The following FHIT variants were observed in gnomAD, a reference collection of about 807,000 sequenced individuals.
FHIT encodes bis(5'-adenosyl)-triphosphatase.
Under a neutral mutation model 17.9 loss-of-function variants are expected in FHIT, and 19 were observed. The observed-to-expected ratio is 1.06, with a 90% CI of 0.74 to 1.56. FHIT has a LOEUF of 1.56. Among genes scored for constraint, FHIT ranks in the 40% most tolerant of loss-of-function variants. FHIT has a pLI of 0.00. For missense variants in FHIT, 248 were observed against 189.2 expected, an observed-to-expected ratio of 1.31 and a Z score of -1.82; for synonymous variants, 81 against 69.7, an observed-to-expected ratio of 1.16 and a Z score of -0.81.
At chr3:60,846,035 A>G (rs150970248) in intron 3 of FHIT, among the ~76,000 whole-genome samples, 17 of 152,310 alleles carry the variant, frequency 1.1e-4, no homozygotes, top group African/African-American at 4.1e-4. Flanking sequence ...ATAAGCACTT[A>G]CGGCTTTATT....
chr3:60,674,281 G>A (rs2040573403), intron 4 of FHIT, among the ~76,000 whole-genome samples: 1 of 152,008 alleles, frequency 6.6e-6, no homozygotes, highest in African/African-American at 2.4e-5. Context: ...GTTTCTCTGA[G>A]ATTTCCCGCC....
intron 4 of FHIT, chr3:60,616,685 GA>G (rs2038961599): frequency 6.6e-6 from 1 of 152,252 alleles, no homozygotes; most frequent in African/African-American, 2.4e-5. Context: ...AAAGATCTAA[GA>G]AAAAGGAAAG....
At chr3:60,041,060 TA>T (rs897464932) in intron 5 of FHIT, among the ~76,000 whole-genome samples, 5 of 151,956 alleles carry the variant, frequency 3.3e-5, no homozygotes, top group South Asian at 2.1e-4. Context: ...CTTTTCTCAA[TA>T]AAAAAAAGCT....
At chr3:61,134,120 C>A (rs956854520) in intron 2 of FHIT, among the ~76,000 whole-genome samples, 3 of 151,712 alleles carry the variant, frequency 2.0e-5, no homozygotes, top group African/African-American at 7.3e-5. Flanking sequence ...CACACACACA[C>A]ACACACACAC....
At chr3:60,966,415 G>T (rs927520057) in intron 3 of FHIT, among the ~76,000 whole-genome samples, 2 of 152,204 alleles carry the variant, frequency 1.3e-5, no homozygotes, top group African/African-American at 4.8e-5. Context: ...GCCCTGCTTT[G>T]GCTCATGCTC....
rs533664849 is a variant in FHIT at position 60,502,687 on chromosome 3, A to G, written c.103+34173T>C. ...AGCACTCAATAGAACAGACAGCTAG[A>G]TCCTAAACCCAATGGCAGTGACAAA... On this transcript the variant is annotated intron_variant, in intron 5 of 9. Coordinates refer to ENST00000492590, the MANE Select transcript of FHIT (RefSeq NM_002012.4). Among the ~76,000 whole-genome samples the G allele has an allele frequency of 4.6e-5, 7 of 152,308 alleles. No individual in the cohort carries two copies. The South Asian group carries it at 1.4e-3, about 32-fold the overall frequency.
At chr3:59,766,854 T>C (rs1417805239) in intron 8 of FHIT, among the ~76,000 whole-genome samples, 1 of 152,174 alleles carries the variant, frequency 6.6e-6, no homozygotes, top group Non-Finnish European at 1.5e-5. Context: ...TTTGCTCCTT[T>C]CTCTCTTTTT....
At chr3:60,088,022 C>T (rs993812636) in intron 5 of FHIT, among the ~76,000 whole-genome samples, 2 of 152,136 alleles carry the variant, frequency 1.3e-5, no homozygotes, top group Admixed American at 1.3e-4. Flanking sequence ...TGAATATCTG[C>T]ATCTGCTGAG....
intron 1 of FHIT, among the ~76,000 whole-genome samples, chr3:61,213,073 A>G (rs575974022): frequency 5.0e-4 from 76 of 152,308 alleles, no homozygotes; most frequent in African/African-American, 1.4e-3. Flanking sequence ...AAAGACCATC[A>G]AGGCTAGGAA....
At chr3:61,187,895 C>T (rs2038572799) in intron 2 of FHIT, among the ~76,000 whole-genome samples, 1 of 152,148 alleles carries the variant, frequency 6.6e-6, no homozygotes, top group Non-Finnish European at 1.5e-5. Context: ...AGAACAAAGA[C>T]ACAACATACC....
intron 5 of FHIT, among the ~76,000 whole-genome samples, chr3:60,218,372 G>A (rs1223578234): frequency 6.6e-6 from 1 of 152,152 alleles, no homozygotes; most frequent in Non-Finnish European, 1.5e-5. Flanking sequence ...ATACTGCTAA[G>A]AGAATTATAA....
chr3:60,345,004 C>T (rs1710705785), intron 5 of FHIT, among the ~76,000 whole-genome samples: 1 of 152,088 alleles, frequency 6.6e-6, no homozygotes, highest in Non-Finnish European at 1.5e-5. Context: ...GCAAATTTCC[C>T]TTTGTATAAA....
At chr3:59,842,355 G>A in intron 8 of FHIT, among the ~76,000 whole-genome samples, 1 of 152,156 alleles carries the variant, frequency 6.6e-6, no homozygotes, top group East Asian at 1.9e-4. Context: ...ATGAATAATG[G>A]TGCTATGAAT....
intron 7 of FHIT, among the ~76,000 whole-genome samples, chr3:59,961,660 G>A (rs9862311): frequency 0.026 from 3,997 of 152,238 alleles, 201 homozygotes; most frequent in African/African-American, 0.091. Context: ...CCCTTGGCTA[G>A]GGGAGGGAGT....
chr3:60,143,962 G>C (rs1700135674), intron 5 of FHIT, among the ~76,000 whole-genome samples: 1 of 152,146 alleles, frequency 6.6e-6, no homozygotes, highest in Non-Finnish European at 1.5e-5. Flanking sequence ...ACCTTAAAGA[G>C]AGACCAACGG....
In FHIT at chr3:60,308,490, G is replaced by GTATA. The variant is rs1380485852; in HGVS notation, c.103+228369_103+228370insTATA. ...TGCACGTATAGGTATAGGTATAGGTGTATGTGTATATATATATATATATAT... is the reference window on the plus strand; with the variant it reads ...TGCACGTATAGGTATAGGTATAGGTGTATATATGTGTATATATATATATATATAT... On this transcript the variant is annotated intron_variant, in intron 5 of 9. Coordinates refer to ENST00000492590, the MANE Select transcript of FHIT (RefSeq NM_002012.4). Among the ~76,000 whole-genome samples the GTATA allele has an allele frequency of 8.9e-4, 67 of 74,912 alleles. 2 individuals are homozygous for GTATA. The highest frequency in any genetic ancestry group is 3.6e-3 in the African/African-American group (62 of 17,186). The allele number at this position is 74,912 out of a possible 152,430, so 49.1% of individuals were successfully genotyped here. A position where few individuals can be genotyped will look rare whatever the true frequency, so the allele number is the denominator to read the frequency against.
chr3:59,839,480 T>C (rs200599884), intron 8 of FHIT, among the ~76,000 whole-genome samples: 1 of 152,194 alleles, frequency 6.6e-6, no homozygotes, highest in Non-Finnish European at 1.5e-5. Flanking sequence ...TCTTTAAGTA[T>C]GTATTTTCCC....
chr3:60,807,278 A>C (rs1257415809), intron 4 of FHIT, among the ~76,000 whole-genome samples: 4 of 151,918 alleles, frequency 2.6e-5, no homozygotes, highest in African/African-American at 9.7e-5. Context: ...CCTTTCCATC[A>C]CTCACTTATT....
At position 60,521,005 on chromosome 3, in the gene FHIT, T is replaced by G. The variant is rs1403946004; in HGVS notation, c.103+15855A>C. 9.2e-5 allele frequency among the ~76,000 whole-genome samples: 14 copies of G among 152,290 alleles called. No homozygotes were observed. The East Asian group carries it at 2.7e-3, about 29-fold the overall frequency. On this transcript the variant is annotated intron_variant, in intron 5 of 9. Coordinates refer to ENST00000492590, the MANE Select transcript of FHIT (RefSeq NM_002012.4). ...AGGCTCATATCAAATGCCTATAAAT[T>G]TTTTGGTTTATTTTAAATCCAGGGT...
Sources: gnomAD v4.1 joint callset for allele counts (sites outside exome capture counted in the v4.1 genomes callset) on GRCh38, gnomAD v4.1.1 for gene constraint, MANE v1.5 for transcripts, NCBI Gene and HGNC (gene_info 2026-07-23, HGNC 2026-07-21) for gene names.